Variants in TRABD2B observed in about 807,000 individuals in gnomAD.
TRABD2B encodes the protein metalloprotease TIKI2.
A neutral mutation model predicts 40.1 loss-of-function variants in TRABD2B; 14 were observed. The ratio of observed to expected loss-of-function variants is 0.35; its 90% CI spans 0.23 to 0.55. The LOEUF (loss-of-function observed/expected upper bound fraction) is 0.55. TRABD2B is among the 20% of genes least tolerant of loss of function. TRABD2B has a pLI of 0.90. For synonymous variants in TRABD2B, 263 were observed against 277.0 expected, an observed-to-expected ratio of 0.95 and a Z score of 0.50; for missense variants, 541 against 648.6, an observed-to-expected ratio of 0.83 and a Z score of 1.80.
chr1:47,826,503 A>G (rs1343958470), intron 2 of TRABD2B, among the ~76,000 whole-genome samples: 3 of 152,202 alleles, frequency 2.0e-5, no homozygotes, highest in Non-Finnish European at 4.4e-5. Context: ...AGGAGCCATG[A>G]TGTTAAACAT....
intron 2 of TRABD2B, among the ~76,000 whole-genome samples, chr1:47,980,274 A>G (rs1477050163): frequency 2.0e-5 from 3 of 152,172 alleles, no homozygotes; most frequent in Admixed American, 2.0e-4. Context: ...TTGTCCTTCA[A>G]TACAGCTCAA....
At chr1:47,969,133 C>T (rs1239715245) in intron 2 of TRABD2B, among the ~76,000 whole-genome samples, 4 of 152,218 alleles carry the variant, frequency 2.6e-5, no homozygotes, top group African/African-American at 9.6e-5. Flanking sequence ...CATAGGAGCT[C>T]TGCTCACCAT....
chr1:47,953,154 G>A (rs1275162694), intron 2 of TRABD2B, among the ~76,000 whole-genome samples: 1 of 152,196 alleles, frequency 6.6e-6, no homozygotes, highest in Non-Finnish European at 1.5e-5. Flanking sequence ...CCCAGCCCAA[G>A]CAGCCCAGAA....
At chr1:47,914,879 G>C (rs367558930) in intron 2 of TRABD2B, among the ~76,000 whole-genome samples, 2 of 152,326 alleles carry the variant, frequency 1.3e-5, no homozygotes, top group East Asian at 3.9e-4. Flanking sequence ...TGCTGGGGGG[G>C]CAAGGATGAA....
In TRABD2B at chr1:47,968,064, C is replaced by T. The variant is rs570967652; in HGVS notation, c.666+25970G>A. 3.9e-5 allele frequency among the ~76,000 whole-genome samples: 6 copies of T among 152,324 alleles called. No individual in the cohort carries two copies. In the South Asian group the frequency reaches 8.3e-4, roughly 21 times the overall value. ...AATGCAATGATGAGCATGTGGTGGG[C>T]ACCACCCTAGCTGACTGATTGCCAT... On this transcript the variant is annotated intron_variant, in intron 2 of 6. Transcript: ENST00000606738.
At chr1:47,891,052 G>A (rs1284137026) in intron 2 of TRABD2B, among the ~76,000 whole-genome samples, 4 of 152,142 alleles carry the variant, frequency 2.6e-5, no homozygotes, top group Non-Finnish European at 4.4e-5. Flanking sequence ...TTCCAATCCC[G>A]GCTCACTATA....
chr1:47,795,922 C>T (rs900249382), intron 3 of TRABD2B, among the ~76,000 whole-genome samples: 1 of 152,214 alleles, frequency 6.6e-6, no homozygotes, highest in Admixed American at 6.5e-5. Flanking sequence ...CGCCCAGCCA[C>T]ATGGCCTGGG....
intron 2 of TRABD2B, among the ~76,000 whole-genome samples, chr1:47,868,170 G>A (rs940913715): frequency 6.6e-6 from 1 of 152,220 alleles, no homozygotes; most frequent in Non-Finnish European, 1.5e-5. Context: ...GGTGTCTAGA[G>A]GGACAGGATC....
At chr1:47,899,032 A>G (rs1644562342) in intron 2 of TRABD2B, among the ~76,000 whole-genome samples, 1 of 152,178 alleles carries the variant, frequency 6.6e-6, no homozygotes. Flanking sequence ...CCTTACATCC[A>G]TATTTTTCCT....
intron 2 of TRABD2B, among the ~76,000 whole-genome samples, chr1:47,941,737 A>G (rs1422391218): frequency 6.6e-6 from 1 of 152,194 alleles, no homozygotes; most frequent in African/African-American, 2.4e-5. Flanking sequence ...ATGGCTTGGA[A>G]GCTCAGAGGC....
chr1:47,851,486 G>A (rs1020117890), intron 2 of TRABD2B, among the ~76,000 whole-genome samples: 1 of 152,172 alleles, frequency 6.6e-6, no homozygotes, highest in African/African-American at 2.4e-5. Flanking sequence ...AGGGAGGAAG[G>A]GAGGGAGAGA....
rs372831849 is a variant in TRABD2B at position 47,839,651 on chromosome 1, G to A, written c.667-38032C>T. On this transcript the variant is annotated intron_variant, in intron 2 of 6. Coordinates refer to ENST00000606738, the MANE Select transcript of TRABD2B (RefSeq NM_001194986.2). ...GAATGAACTGAGGCTGTTCAAACCC[G>A]AGGGTCTGGAGCAGGCCCAGCTCCT... 1.4e-4 allele frequency among the ~76,000 whole-genome samples: 21 copies of A among 152,290 alleles called. 3 individuals are homozygous for A. Among genetic ancestry groups the A allele is most frequent in the South Asian group, 6.2e-4 (3 of 4,816 alleles).
At chr1:47,895,130 C>T (rs1387183774) in intron 2 of TRABD2B, among the ~76,000 whole-genome samples, 2 of 152,174 alleles carry the variant, frequency 1.3e-5, no homozygotes, top group Non-Finnish European at 2.9e-5. Flanking sequence ...ATTTGACACT[C>T]AACAAAGGAA....
chr1:47,801,605 C>G lies in TRABD2B; in HGVS notation c.681G>C (p.Leu227=). The G allele has an allele frequency of 3.9e-6, 6 of 1,535,804 alleles. No homozygotes were observed. The highest frequency in any genetic ancestry group is 5.2e-6 in the Non-Finnish European group (6 of 1,146,710). ...TCTCCTGCTGCAGCAGGGTTTGGTT[C>G]AGGGCAAACAGCACCTGGGCCGAGG... ...GLNFSQVLFA[L]NQTLLQQESV... is the part of the protein sequence containing the mutation. Residue 227 remains leucine (L), a synonymous_variant, in exon 3 of 7, where the codon CTG becomes CTC. Transcript: ENST00000606738.
intron 2 of TRABD2B, among the ~76,000 whole-genome samples, chr1:47,979,760 C>T (rs952704037): frequency 1.3e-5 from 2 of 152,224 alleles, no homozygotes; most frequent in Non-Finnish European, 2.9e-5. Context: ...AGGTCTCAGG[C>T]TCCCTCACAA....
intron 2 of TRABD2B, among the ~76,000 whole-genome samples, chr1:47,973,525 T>A (rs556697124): frequency 1.3e-5 from 2 of 152,314 alleles, no homozygotes; most frequent in East Asian, 3.9e-4. Flanking sequence ...ATACTCGTAC[T>A]TGCTCCTCCT....
intron 2 of TRABD2B, among the ~76,000 whole-genome samples, chr1:47,967,372 C>CAT (rs1491411651): frequency 1.7e-4 from 24 of 142,892 alleles, no homozygotes; most frequent in African/African-American, 5.8e-4. Context: ...CACACACACA[C>CAT]AGCAATACTT....
At chr1:47,784,149 G>A (rs1644563367) in intron 4 of TRABD2B, among the ~76,000 whole-genome samples, 2 of 152,192 alleles carry the variant, frequency 1.3e-5, no homozygotes, top group African/African-American at 2.4e-5. Flanking sequence ...CAGGCTCAGT[G>A]AGGGGACGTG....
chr1:47,960,161 A>G (rs1156707252), intron 2 of TRABD2B, among the ~76,000 whole-genome samples: 1 of 152,238 alleles, frequency 6.6e-6, no homozygotes, highest in East Asian at 1.9e-4. Flanking sequence ...ACAAAATGCA[A>G]CAGCCCCTCA....
Sources: allele counts gnomAD v4.1 joint callset (sites outside exome capture counted in the v4.1 genomes callset), GRCh38; gene constraint gnomAD v4.1.1; transcripts MANE v1.5; gene names NCBI Gene and HGNC (gene_info 2026-07-23, HGNC 2026-07-21).